The following PKNOX1 variants were observed in gnomAD, a reference collection of about 807,000 sequenced individuals.
PKNOX1 encodes the protein PBX/knotted 1 homeobox 1, also known as homeobox protein PKNOX1.
A neutral mutation model predicts 51.9 loss-of-function variants in PKNOX1; 15 were observed. The observed-to-expected ratio is 0.29, with a 90% CI of 0.19 to 0.45. The LOEUF (loss-of-function observed/expected upper bound fraction) is 0.45, where lower values mean the gene tolerates loss of function less well. PKNOX1 is among the 20% of genes least tolerant of loss of function. The pLI is 1.00. For missense variants in PKNOX1, 462 were observed against 547.5 expected (o/e 0.84, Z 1.56); for synonymous variants, 219 against 211.1 (o/e 1.04, Z -0.32).
At position 43,028,722 on chromosome 21, in the gene PKNOX1, G is replaced by A; in HGVS notation, c.947G>A (p.Arg316Gln). 2.5e-6 allele frequency: 4 copies of A among 1,614,038 alleles called. No individual in the cohort carries two copies. The highest frequency in any genetic ancestry group is 2.5e-6 in the Non-Finnish European group (3 of 1,180,006). The part of the protein sequence containing the change: ...VNNWFINARR[R>Q]ILQPMLDSSC... ...TCCAGGTTCATCAATGCCAGAAGACGAATTCTTCAGCCAATGTTGGATTCA... is the reference window on the plus strand; with the variant it reads ...TCCAGGTTCATCAATGCCAGAAGACAAATTCTTCAGCCAATGTTGGATTCA... Residue 316 changes from arginine to glutamine, a missense_variant, in exon 10 of 11, where the codon CGA becomes CAA. This residue lies in a region of PKNOX1 where 75 missense variants were observed against 129.8 expected (regional missense o/e 0.58). Coordinates refer to ENST00000291547, the MANE Select transcript of PKNOX1 (RefSeq NM_004571.5).
At position 43,021,424 on chromosome 21, in the gene PKNOX1, A is replaced by G; in HGVS notation, c.842A>G (p.His281Arg). Residue 281 changes from histidine to arginine, a missense_variant, in exon 8 of 11, where the codon CAC becomes CGC. His to Arg is a conservative substitution (Grantham distance 29, BLOSUM62 0). Transcript: ENST00000291547. This position sits in a 1 kb window ranked among gnomAD's most constrained non-coding sequence, Gnocchi z 4.6. ...TNVMRSWLFQHIGHPYPTEDE... is the reference protein window; with the variant it reads ...TNVMRSWLFQRIGHPYPTEDE... ...GTGATGCGGTCCTGGCTCTTCCAGC[A>G]CATCGGGGTAAGGACGGCTGGGCCA... is the stretch of plus-strand genomic sequence containing the variant. 1 of 1,608,416 alleles carries G rather than the reference A, an allele frequency of 6.2e-7. No individual in the cohort carries two copies. The highest frequency in any genetic ancestry group is 1.3e-5 in the African/African-American group (1 of 74,910).
At chr21:43,016,772 G>A (rs574808603) in intron 5 of PKNOX1, 136 bp from the exon 6 acceptor site, 61 of 570,394 alleles carry the variant, frequency 1.1e-4, no homozygotes, top group Admixed American at 1.5e-4. Flanking sequence ...CTGAAGCCGC[G>A]TCATCTGAGG....
rs866438469 is a variant in PKNOX1, at chr21:43,030,207, G to A, written c.*106G>A. ...TGTAGATATAGAAGAGTGCACTTTT[G>A]TATTTCATAGTAAGCTTAAAGCGCG... On this transcript the variant is annotated 3_prime_UTR_variant, in exon 11 of 11. Coordinates refer to ENST00000291547, the MANE Select transcript of PKNOX1 (RefSeq NM_004571.5). The A allele has an allele frequency of 6.4e-5, 56 of 872,658 alleles. No individual in the cohort carries two copies. The Middle Eastern group carries it at 2.2e-3, about 34-fold the overall frequency. The allele number at this position is 872,658 out of a possible 1,614,324, so 54.1% of individuals were successfully genotyped here. A position where few individuals can be genotyped will look rare whatever the true frequency, so the allele number is the denominator to read the frequency against.
rs1404582379 is a variant in PKNOX1, at chr21:43,024,965, C to T, written c.926+18C>T. ...AACAACTGGTAAGGTGCCCTGCTTC[C>T]TGAAATCATGCTGTCAGCACGGTAG... On this transcript the variant is annotated intron_variant, in intron 9 of 10. Transcript: ENST00000291547. 25 of 1,535,946 alleles carry T rather than the reference C, an allele frequency of 1.6e-5. No homozygotes were observed. The highest frequency in any genetic ancestry group is 2.2e-5 in the Non-Finnish European group (24 of 1,109,388).
chr21:43,004,263 A>T, intron 1 of PKNOX1, 63 bp from the exon 2 acceptor site: 1 of 716,310 alleles, frequency 1.4e-6, no homozygotes, highest in Non-Finnish European at 2.5e-6. Flanking sequence ...GATGTTATGG[A>T]ATGAGGGAGA....
At chr21:43,013,340 A>G in intron 5 of PKNOX1, 102 bp downstream of exon 5, 1 of 900,452 alleles carries the variant, frequency 1.1e-6, no homozygotes, top group South Asian at 2.1e-5. Context: ...GGTCATCTTT[A>G]TGACTTTCTA....
chr21:42,992,930 G>A (rs1345746239), intron 1 of PKNOX1, among the ~76,000 whole-genome samples: 1 of 145,932 alleles, frequency 6.9e-6, no homozygotes, highest in African/African-American at 2.6e-5. Flanking sequence ...CTCAGCACTG[G>A]GGGTCTCCTT....
In PKNOX1 at chr21:43,016,920, G is replaced by A. The variant is rs1979514552; in HGVS notation, c.535G>A (p.Ala179Thr). Residue 179 changes from alanine (A) to threonine (T), a missense_variant, in exon 6 of 11, where the codon GCC (alanine) becomes ACC (threonine). Ala to Thr is a moderately conservative substitution (Grantham distance 58). Coordinates refer to ENST00000291547, the MANE Select transcript of PKNOX1 (RefSeq NM_004571.5). ...TTCTGACTTGCAGCAGATTCAAAGT[G>A]CCATCACAGGCACCATCAGCCCTCA... ...SPVQSQQIQSAITGTISPQGI... is the reference protein window; with the variant it reads ...SPVQSQQIQSTITGTISPQGI... 3 of 1,605,770 alleles carry A rather than the reference G, an allele frequency of 1.9e-6. No homozygotes were observed. The highest frequency in any genetic ancestry group is 3.4e-5 in the Admixed American group (2 of 59,698).
intron 1 of PKNOX1, among the ~76,000 whole-genome samples, chr21:42,994,986 A>G (rs550033220): frequency 3.2e-4 from 46 of 145,744 alleles, no homozygotes; most frequent in Admixed American, 1.5e-3. Context: ...CAGTGGCGCA[A>G]TCTTGACTTA....
At chr21:43,028,525 A>G (rs533856525) in intron 9 of PKNOX1, 177 bp from the exon 10 acceptor site, 13 of 656,038 alleles carry the variant, frequency 2.0e-5, no homozygotes, top group Non-Finnish European at 3.3e-5. Context: ...GTTTCTGGGC[A>G]TTTAGAGAAT....
At chr21:42,997,344 C>T (rs1978551437) in intron 1 of PKNOX1, among the ~76,000 whole-genome samples, 1 of 152,124 alleles carries the variant, frequency 6.6e-6, no homozygotes, top group African/African-American at 2.4e-5. Context: ...AGTGCGTGGC[C>T]TCGGGAGCCT....
At chr21:43,001,807 A>G (rs1978766761) in intron 1 of PKNOX1, among the ~76,000 whole-genome samples, 1 of 151,910 alleles carries the variant, frequency 6.6e-6, no homozygotes, top group Non-Finnish European at 1.5e-5. Flanking sequence ...GAAAAGACAA[A>G]AAATTAGCCG....
chr21:43,012,869 C>T (rs1172906417), intron 4 of PKNOX1, among the ~76,000 whole-genome samples, 199 bp from the exon 5 acceptor site: 1 of 152,180 alleles, frequency 6.6e-6, no homozygotes, highest in East Asian at 1.9e-4. Context: ...CCCTGCACAC[C>T]AGATGCAGCC....
chr21:42,994,494 TAGAG>T (rs1978404362), intron 1 of PKNOX1, among the ~76,000 whole-genome samples: 1 of 150,068 alleles, frequency 6.7e-6, no homozygotes, highest in African/African-American at 2.5e-5. Context: ...CCAGTTTTGT[TAGAG>T]AGAAGGACTA....
chr21:43,026,243 T>C (rs1979978584), intron 9 of PKNOX1, among the ~76,000 whole-genome samples: 1 of 152,256 alleles, frequency 6.6e-6, no homozygotes, highest in African/African-American at 2.4e-5. Context: ...AATTGTCTTA[T>C]CTAGGTTTAG....
chr21:42,978,529 G>T (rs2059010205), intron 1 of PKNOX1, among the ~76,000 whole-genome samples: 1 of 147,630 alleles, frequency 6.8e-6, no homozygotes, highest in African/African-American at 2.5e-5. Flanking sequence ...TGTCGCCCAG[G>T]CTAGAGTGCA....
chr21:43,003,381 T>C (rs979292656), intron 1 of PKNOX1, among the ~76,000 whole-genome samples: 6 of 152,202 alleles, frequency 3.9e-5, no homozygotes, highest in Non-Finnish European at 8.8e-5. Context: ...TTTTCTGTTG[T>C]CATGAAGCAA....
chr21:43,010,468 T>G (rs1445544570), intron 4 of PKNOX1, among the ~76,000 whole-genome samples: 1 of 152,146 alleles, frequency 6.6e-6, no homozygotes, highest in Admixed American at 6.5e-5. Flanking sequence ...CACATCTTAC[T>G]GTATTCCCCC....
intron 1 of PKNOX1, among the ~76,000 whole-genome samples, chr21:42,977,533 C>T (rs1331266544): frequency 1.5e-5 from 2 of 134,076 alleles, no homozygotes; most frequent in East Asian, 2.2e-4. Flanking sequence ...TCTGCTGCTT[C>T]CAACTTTTTT....
Sources: gnomAD v4.1 joint callset for allele counts (sites outside exome capture counted in the v4.1 genomes callset) on GRCh38, gnomAD v4.1.1 for gene constraint, gnomAD v4.1.1 regional missense constraint, Gnocchi (gnomAD v3.1) non-coding constraint, MANE v1.5 for transcripts, NCBI Gene and HGNC (gene_info 2026-07-23, HGNC 2026-07-21) for gene names.